PAPSS2: variants seen among roughly 807,000 people sequenced by gnomAD.
PAPSS2 encodes bifunctional 3'-phosphoadenosine 5'-phosphosulfate synthase 2.
PAPSS2 carries 61 observed loss-of-function variants against 66.5 expected under a neutral mutation model. The observed-to-expected ratio is 0.92, with a 90% CI of 0.75 to 1.14. PAPSS2 has a LOEUF of 1.14. Ranked by LOEUF, PAPSS2 falls within the 50% of genes most tolerant of loss-of-function variation. The pLI, the probability that PAPSS2 is intolerant of heterozygous loss-of-function variation, is 0.00. For missense variants in PAPSS2, 708 were observed against 789.6 expected (o/e 0.90, Z 1.24); for synonymous variants, 289 against 287.5 (o/e 1.01, Z -0.05).
intron 1 of PAPSS2, among the ~76,000 whole-genome samples, chr10:87,688,625 A>G (rs576305330): frequency 2.4e-4 from 36 of 151,728 alleles, no homozygotes; most frequent in Non-Finnish European, 3.5e-4. Context: ...ACGCCTGGCT[A>G]ATTTTTTTGT....
At chr10:87,670,576 G>GCGCACACA (rs1554861627) in intron 1 of PAPSS2, among the ~76,000 whole-genome samples, 2 of 149,734 alleles carry the variant, frequency 1.3e-5, no homozygotes, top group Non-Finnish European at 3.0e-5. Context: ...AAAAGATGGA[G>GCGCACACA]CACACACACA....
intron 1 of PAPSS2, among the ~76,000 whole-genome samples, chr10:87,700,713 C>T (rs1053994318): frequency 3.4e-5 from 5 of 148,920 alleles, no homozygotes; most frequent in Non-Finnish European, 7.4e-5. Flanking sequence ...TTTTAAAACA[C>T]GTTAGAAAAA....
intron 1 of PAPSS2, among the ~76,000 whole-genome samples, chr10:87,705,401 T>C (rs1052393138): frequency 6.6e-6 from 1 of 152,234 alleles, no homozygotes; most frequent in African/African-American, 2.4e-5. Context: ...AACATTCTAG[T>C]GCAAGTCTTT....
At chr10:87,684,042 C>T (rs12412482) in intron 1 of PAPSS2, among the ~76,000 whole-genome samples, 50,384 of 152,104 alleles carry the variant, frequency 0.33, 8,912 homozygotes, top group East Asian at 0.45. Context: ...AAAATAGAGA[C>T]GTGACATGTA....
chr10:87,675,993 T>A (rs1056361307), intron 1 of PAPSS2, among the ~76,000 whole-genome samples: 7 of 130,600 alleles, frequency 5.4e-5, no homozygotes, highest in African/African-American at 1.4e-4. Context: ...TTTTTTTTTT[T>A]AATGTAAAGC....
At chr10:87,667,568 G>A (rs1304175593) in intron 1 of PAPSS2, among the ~76,000 whole-genome samples, 1 of 152,332 alleles carries the variant, frequency 6.6e-6, no homozygotes, top group African/African-American at 2.4e-5. Context: ...CTGATGACAC[G>A]TGGTGTATAA....
chr10:87,700,295 A>C (rs1289844068), intron 1 of PAPSS2, among the ~76,000 whole-genome samples: 6 of 152,232 alleles, frequency 3.9e-5, no homozygotes, highest in African/African-American at 1.4e-4. Flanking sequence ...GTTCGCAACA[A>C]AACTTGCATA....
At chr10:87,683,149 G>A (rs1233718231) in intron 1 of PAPSS2, among the ~76,000 whole-genome samples, 6 of 145,374 alleles carry the variant, frequency 4.1e-5, no homozygotes, top group Non-Finnish European at 8.9e-5. Context: ...CTGGAGTGCA[G>A]TGGCATGATC....
At chr10:87,679,936 G>T (rs2131903345) in intron 1 of PAPSS2, among the ~76,000 whole-genome samples, 1 of 151,326 alleles carries the variant, frequency 6.6e-6, no homozygotes, top group African/African-American at 2.4e-5. Context: ...TGAGGTGGGA[G>T]TATCGCTTGA....
At chr10:87,699,812 T>TAAAAAAA (rs11378998) in intron 1 of PAPSS2, among the ~76,000 whole-genome samples, 1 of 135,698 alleles carries the variant, frequency 7.4e-6, no homozygotes, top group African/African-American at 2.7e-5. Context: ...ATCATGCCAC[T>TAAAAAAA]AAAAAAAAAA....
intron 1 of PAPSS2, among the ~76,000 whole-genome samples, chr10:87,692,466 T>C (rs1051363038): frequency 2.0e-5 from 3 of 152,070 alleles, no homozygotes; most frequent in African/African-American, 4.8e-5. Context: ...GAGAGGAATA[T>C]GGCAAGGAGT....
chr10:87,713,896 A>G, intron 3 of PAPSS2, 148 bp from the exon 4 acceptor site: 1 of 782,162 alleles, frequency 1.3e-6, no homozygotes, highest in Non-Finnish European at 2.1e-6. Flanking sequence ...TACCAGAGTA[A>G]AATTTCTGGA....
At chr10:87,704,594 T>TCCA (rs61054973) in intron 1 of PAPSS2, among the ~76,000 whole-genome samples, 75,026 of 151,752 alleles carry the variant, frequency 0.49, 20,225 homozygotes, top group African/African-American at 0.73. Context: ...GCAATATAAT[T>TCCA]CCATCTAAAA....
intron 1 of PAPSS2, among the ~76,000 whole-genome samples, chr10:87,688,112 A>G (rs76332591): frequency 1.4e-3 from 216 of 152,250 alleles, no homozygotes; most frequent in African/African-American, 4.9e-3. Flanking sequence ...CTATAAAGTA[A>G]AAATTATTGT....
At chr10:87,665,444 C>T (rs1852804064) in intron 1 of PAPSS2, among the ~76,000 whole-genome samples, 1 of 152,234 alleles carries the variant, frequency 6.6e-6, no homozygotes, top group African/African-American at 2.4e-5. Flanking sequence ...ATCTCCTGAC[C>T]TCGTGATCTG....
At chr10:87,673,767 T>C (rs1163875313) in intron 1 of PAPSS2, among the ~76,000 whole-genome samples, 1 of 150,946 alleles carries the variant, frequency 6.6e-6, no homozygotes, top group Non-Finnish European at 1.5e-5. Flanking sequence ...GGTTGTTCTT[T>C]CCTTTTTCTT....
intron 1 of PAPSS2, among the ~76,000 whole-genome samples, chr10:87,665,257 G>C (rs535610919): frequency 1.6e-4 from 24 of 151,868 alleles, no homozygotes; most frequent in Admixed American, 2.6e-4. Context: ...TGTCACCCAG[G>C]CTGGAGTGCA....
intron 9 of PAPSS2, among the ~76,000 whole-genome samples, chr10:87,737,429 G>C (rs529673034): frequency 1.3e-5 from 2 of 152,222 alleles, no homozygotes; most frequent in East Asian, 3.9e-4. Flanking sequence ...TAACCTTCTT[G>C]TAAGTGTGCA....
chr10:87,731,969 C>T (rs921524356), intron 9 of PAPSS2, among the ~76,000 whole-genome samples: 1 of 152,156 alleles, frequency 6.6e-6, no homozygotes, highest in African/African-American at 2.4e-5. Context: ...AGAGGATTGA[C>T]TCCAATTTTG....
Sources: gnomAD v4.1 joint callset for allele counts (sites outside exome capture counted in the v4.1 genomes callset) on GRCh38, gnomAD v4.1.1 for gene constraint, MANE v1.5 for transcripts, NCBI Gene and HGNC (gene_info 2026-07-23, HGNC 2026-07-21) for gene names.